The following IL1RAPL1 variants were observed in gnomAD, a reference collection of about 807,000 sequenced individuals.
The protein encoded by IL1RAPL1 is interleukin-1 receptor accessory protein-like 1.
A neutral mutation model predicts 48.4 loss-of-function variants in IL1RAPL1; 3 were observed. The observed-to-expected ratio is 0.06, with a 90% confidence interval of 0.03 to 0.16. IL1RAPL1 has a LOEUF of 0.16. Among genes scored for constraint, IL1RAPL1 ranks in the 10% least tolerant of loss-of-function variants. The probability of loss-of-function intolerance (pLI) is 1.00; values close to 1 mark genes in which losing one functional copy is unlikely to be tolerated. For synonymous variants in IL1RAPL1, 185 were observed against 187.7 expected (o/e 0.99, Z 0.12); for missense variants, 349 against 530.6 (o/e 0.66, Z 3.36).
chrX:29,346,506 G>A (rs993626307), intron 3 of IL1RAPL1, among the ~76,000 whole-genome samples: 2 of 112,018 alleles, frequency 1.8e-5, no homozygotes, highest in African/African-American at 6.5e-5. Flanking sequence ...ACCATAAAAT[G>A]TACTTCTAGT....
intron 9 of IL1RAPL1, among the ~76,000 whole-genome samples, chrX:29,948,343 T>C (rs1341710576): frequency 9.0e-6 from 1 of 111,602 alleles, no homozygotes; most frequent in Non-Finnish European, 1.9e-5. Context: ...TGTAAATACT[T>C]CAAACTGTAC....
chrX:29,520,986 G>A (rs775763330), intron 5 of IL1RAPL1, among the ~76,000 whole-genome samples: 6 of 110,826 alleles, frequency 5.4e-5, no homozygotes, highest in Admixed American at 1.9e-4. Context: ...TTGCTCTCAT[G>A]GTTTGTAATG....
intron 8 of IL1RAPL1, among the ~76,000 whole-genome samples, chrX:29,939,260 G>T (rs981642112): frequency 8.9e-6 from 1 of 111,853 alleles, no homozygotes; most frequent in Non-Finnish European, 1.9e-5. Context: ...TTTTGTACAA[G>T]AAATTTTTGA....
intron 6 of IL1RAPL1, among the ~76,000 whole-genome samples, chrX:29,775,238 G>T (rs1490982065): frequency 9.0e-6 from 1 of 111,340 alleles, no homozygotes; most frequent in Admixed American, 9.6e-5. Flanking sequence ...GGGGTTGTTT[G>T]GGAGCTTACA....
chrX:28,897,237 C>T (rs758138352), intron 2 of IL1RAPL1, among the ~76,000 whole-genome samples: 1 of 110,631 alleles, frequency 9.0e-6, no homozygotes, highest in East Asian at 2.9e-4. Context: ...TTCTTGCCCC[C>T]TAGAAAAGCT....
intron 6 of IL1RAPL1, among the ~76,000 whole-genome samples, chrX:29,869,199 C>T (rs187074811): frequency 8.9e-6 from 1 of 112,255 alleles, no homozygotes; most frequent in African/African-American, 3.2e-5. Context: ...TTAAAACACA[C>T]ACAGAATACA....
chrX:28,815,869 ATATATATATATAT>A (rs1936861646), intron 2 of IL1RAPL1, among the ~76,000 whole-genome samples: 1 of 74,754 alleles, frequency 1.3e-5, no homozygotes, highest in African/African-American at 4.4e-5. Context: ...ATATATATAT[ATATATATATATAT>A]ATAATTTTTT....
intron 1 of IL1RAPL1, among the ~76,000 whole-genome samples, chrX:28,647,551 T>C (rs977389425): frequency 8.9e-6 from 1 of 112,535 alleles, no homozygotes; most frequent in African/African-American, 3.2e-5. Context: ...GATCTCAAAA[T>C]GGGAAAATTA....
chrX:28,656,597 C>T (rs1056338515), intron 1 of IL1RAPL1, among the ~76,000 whole-genome samples: 5 of 111,648 alleles, frequency 4.5e-5, no homozygotes, highest in African/African-American at 9.8e-5. Context: ...TTCTCTTTGC[C>T]TAATTATTTC....
rs1368746680 is a variant in IL1RAPL1 at position 28,892,408 on chromosome X, A to AC, written c.82+102985dup. ...GGTAATGTCATCAGTTAAGGCAAGG[A>AC]CCGGCCATTTTCACTTCTTTTGTGG... is the stretch of plus-strand genomic sequence containing the variant. On this transcript the variant is annotated intron_variant, in intron 2 of 10. Coordinates refer to ENST00000378993, the MANE Select transcript of IL1RAPL1 (RefSeq NM_014271.4). 3.6e-5 allele frequency among the ~76,000 whole-genome samples: 4 copies of AC among 109,996 alleles called. No individual in the cohort carries two copies. In the Admixed American group the frequency reaches 3.9e-4, roughly 11 times the overall value.
At chrX:29,056,845 G>A (rs111443803) in intron 2 of IL1RAPL1, among the ~76,000 whole-genome samples, 29 of 111,989 alleles carry the variant, frequency 2.6e-4, no homozygotes, top group Middle Eastern at 4.6e-3. Flanking sequence ...TTTTAAGCCC[G>A]TAAGAGCATT....
In IL1RAPL1 at chrX:29,688,760, G is replaced by T. The variant is rs376096224; in HGVS notation, c.778+20256G>T. Among the ~76,000 whole-genome samples the T allele has an allele frequency of 4.9e-5, 5 of 101,087 alleles. No individual in the cohort carries two copies. The South Asian group carries it at 2.3e-3, about 46-fold the overall frequency. 87.8% of individuals were successfully genotyped at this position (101,087 alleles called of 115,157 possible). ...TCTCTCTCTCTCTCTCTCTCTGTGT[G>T]TGTCTGTGTGTGTGTGTTTGTGTGT... On this transcript the variant is annotated intron_variant, in intron 6 of 10. Transcript: ENST00000378993.
intron 2 of IL1RAPL1, among the ~76,000 whole-genome samples, chrX:29,170,365 T>G (rs1929883241): frequency 8.9e-6 from 1 of 111,903 alleles, no homozygotes; most frequent in African/African-American, 3.2e-5. Flanking sequence ...ATGAATCTTA[T>G]TATTCATCAA....
chrX:29,349,027 T>C (rs1047287651), intron 3 of IL1RAPL1, among the ~76,000 whole-genome samples: 2 of 112,532 alleles, frequency 1.8e-5, no homozygotes, highest in Non-Finnish European at 3.8e-5. Context: ...ATAAATGGCA[T>C]ACAAATTTAT....
intron 2 of IL1RAPL1, among the ~76,000 whole-genome samples, chrX:28,978,547 G>C (rs1019903377): frequency 8.9e-6 from 1 of 112,035 alleles, no homozygotes; most frequent in African/African-American, 3.3e-5. Flanking sequence ...ATTTTGGGGT[G>C]ATGCCTTGCT....
rs187759500 is a variant in IL1RAPL1, at chrX:28,822,256, G to A, written c.82+32831G>A. Among the ~76,000 whole-genome samples the A allele has an allele frequency of 3.6e-5, 4 of 111,227 alleles. No homozygotes were observed. In the East Asian group the frequency reaches 8.5e-4, roughly 24 times the overall value. ...ACATTGATAATGACTTGTTAAACCA[G>A]GGTTTAGAAAGCAGTTGCCTGTGGA... On this transcript the variant is annotated intron_variant, in intron 2 of 10. Transcript: ENST00000378993.
At chrX:28,853,329 C>A (rs960999558) in intron 2 of IL1RAPL1, among the ~76,000 whole-genome samples, 1 of 111,487 alleles carries the variant, frequency 9.0e-6, no homozygotes, top group African/African-American at 3.3e-5. Context: ...TTGAAAACGA[C>A]CTTTTCCAAC....
At chrX:29,805,051 A>G (rs777445464) in intron 6 of IL1RAPL1, among the ~76,000 whole-genome samples, 1 of 112,634 alleles carries the variant, frequency 8.9e-6, no homozygotes, top group Admixed American at 9.4e-5. Flanking sequence ...TGACACTGAC[A>G]ATTATTTCCC....
chrX:29,156,234 A>G (rs960790131), intron 2 of IL1RAPL1, among the ~76,000 whole-genome samples: 4 of 111,300 alleles, frequency 3.6e-5, no homozygotes, highest in African/African-American at 1.3e-4. Context: ...ATTGCTTGCA[A>G]TTTTCCATGA....
Sources: allele counts gnomAD v4.1 joint callset (sites outside exome capture counted in the v4.1 genomes callset), GRCh38; gene constraint gnomAD v4.1.1; transcripts MANE v1.5; gene names NCBI Gene and HGNC (gene_info 2026-07-23, HGNC 2026-07-21).